The following HERC3 variants were observed in gnomAD, a reference collection of about 807,000 sequenced individuals.
HERC3 encodes the protein HECT and RLD domain containing E3 ubiquitin protein ligase 3, also known as probable E3 ubiquitin-protein ligase HERC3.
Under a neutral mutation model 129.9 loss-of-function variants are expected in HERC3, and 58 were observed. The observed-to-expected ratio is 0.45, with a 90% confidence interval of 0.36 to 0.56. The LOEUF (loss-of-function observed/expected upper bound fraction) is 0.56, where lower values mean the gene tolerates loss of function less well. HERC3 is among the 20% of genes least tolerant of loss of function. The pLI, the probability that HERC3 is intolerant of heterozygous loss-of-function variation, is 0.00. For synonymous variants in HERC3, 430 were observed against 451.0 expected (o/e 0.95, Z 0.59); for missense variants, 835 against 1,244.2 (o/e 0.67, Z 4.95).
chr4:88,656,005 G>A lies in HERC3; in HGVS notation c.1039G>A (p.Ala347Thr), dbSNP rs964217572. Residue 347 changes from alanine (A) to threonine (T), a missense_variant, in exon 9 of 26, where the codon GCC (alanine) becomes ACC (threonine). Coordinates refer to ENST00000402738, the MANE Select transcript of HERC3 (RefSeq NM_014606.3). Reference protein sequence around the residue: ...CPSPVKGYWAAHSGQLSARAD... With the variant: ...CPSPVKGYWATHSGQLSARAD... ...ATCTCCTGTCAAGGGTTACTGGGCT[G>A]CCCACAGTGGCCAGCTTTCAGCCCG... is the stretch of plus-strand genomic sequence containing the variant. 6.2e-7 allele frequency: 1 copy of A among 1,614,100 alleles called. No individual in the cohort carries two copies. Among genetic ancestry groups the A allele is most frequent in the South Asian group, 1.1e-5 (1 of 91,076 alleles).
intron 10 of HERC3, among the ~76,000 whole-genome samples, chr4:88,659,567 C>T (rs1016543779): frequency 6.6e-6 from 1 of 152,174 alleles, no homozygotes; most frequent in Non-Finnish European, 1.5e-5. Flanking sequence ...TGATTTGGAA[C>T]TGCTGCCCTA....
intron 3 of HERC3, among the ~76,000 whole-genome samples, chr4:88,606,922 A>G (rs938944297): frequency 2.0e-5 from 3 of 152,212 alleles, no homozygotes; most frequent in South Asian, 2.1e-4. Flanking sequence ...CACAATCACT[A>G]TCAGAAACTT....
chr4:88,609,019 T>G (rs1348805781), intron 3 of HERC3, among the ~76,000 whole-genome samples: 1 of 150,176 alleles, frequency 6.7e-6, no homozygotes, highest in Non-Finnish European at 1.5e-5. Context: ...CTAGGTGTGG[T>G]GGCACACACC....
chr4:88,636,837 C>T (rs768069325), intron 3 of HERC3, among the ~76,000 whole-genome samples: 1 of 152,212 alleles, frequency 6.6e-6, no homozygotes, highest in Non-Finnish European at 1.5e-5. Context: ...AAGAAACTCA[C>T]TCAAAACCAC....
At chr4:88,632,474 T>C (rs78639580) in intron 3 of HERC3, among the ~76,000 whole-genome samples, 4,974 of 152,312 alleles carry the variant, frequency 0.033, 124 homozygotes, top group Non-Finnish European at 0.049. Flanking sequence ...AATGTAGATG[T>C]TGGAATTATC....
At chr4:88,679,982 C>T in intron 19 of HERC3, 111 bp from the exon 20 acceptor site, 1 of 921,108 alleles carries the variant, frequency 1.1e-6, no homozygotes. Flanking sequence ...AGTGTGTATT[C>T]TTTGTTATGC....
intron 23 of HERC3, among the ~76,000 whole-genome samples, chr4:88,698,983 G>A (rs1359619375): frequency 3.5e-5 from 2 of 57,672 alleles, no homozygotes; most frequent in South Asian, 8.0e-4. Flanking sequence ...TCCCCCCACC[G>A]AACTTTTTCC....
chr4:88,677,900 C>A, intron 18 of HERC3, 64 bp from the exon 19 acceptor site: 1 of 1,488,860 alleles, frequency 6.7e-7, no homozygotes, highest in Non-Finnish European at 9.2e-7. Flanking sequence ...AGAAGCACAG[C>A]TGACTGCTCT....
At chr4:88,693,666 G>A (rs1227346527) in intron 23 of HERC3, 1 of 983,462 alleles carries the variant, frequency 1.0e-6, no homozygotes, top group African/African-American at 1.7e-5. Context: ...GTACATGTGT[G>A]TATATGTGTA....
At chr4:88,695,243 C>T (rs1311481836) in intron 23 of HERC3, among the ~76,000 whole-genome samples, 1 of 152,078 alleles carries the variant, frequency 6.6e-6, no homozygotes, top group Non-Finnish European at 1.5e-5. Context: ...GTTGTTTGTA[C>T]TCAACAATCT....
At chr4:88,648,125 T>A (rs1728896311) in intron 3 of HERC3, among the ~76,000 whole-genome samples, 1 of 152,228 alleles carries the variant, frequency 6.6e-6, no homozygotes, top group Admixed American at 6.5e-5. Context: ...TTACTGACTT[T>A]AATTTTTTTT....
At chr4:88,558,772 G>T in the HERC3 span, among the ~76,000 whole-genome samples, 2 of 151,676 alleles carry the variant, frequency 1.3e-5, no homozygotes, top group Non-Finnish European at 2.9e-5. Context: ...GACCATCCTG[G>T]CTAACATGGT....
At position 88,686,146 on chromosome 4, in the gene HERC3, T is replaced by TA. The variant is rs559429282; in HGVS notation, c.2508-578dup. On this transcript the variant is annotated intron_variant, in intron 21 of 25. Coordinates refer to ENST00000402738, the MANE Select transcript of HERC3 (RefSeq NM_014606.3). Reference sequence around the variant, plus strand: ...AACTTCTTTTCCTCTCTCCATCTCTTAAAAAAAAAAAATTAGTGTGAGTGT... The same window carrying TA: ...AACTTCTTTTCCTCTCTCCATCTCTTAAAAAAAAAAAAATTAGTGTGAGTGT... Among the ~76,000 whole-genome samples, 817 of 147,528 alleles carry TA rather than the reference T, an allele frequency of 5.5e-3. 11 individuals are homozygous for TA. The highest frequency in any genetic ancestry group is 0.018 in the African/African-American group (737 of 40,560).
the HERC3 span, among the ~76,000 whole-genome samples, chr4:88,558,296 T>C: frequency 9.9e-5 from 15 of 152,216 alleles, no homozygotes; most frequent in African/African-American, 3.4e-4. Context: ...GTGGTATATA[T>C]ACACCATGGA....
At chr4:88,643,926 A>G (rs1361813854) in intron 3 of HERC3, among the ~76,000 whole-genome samples, 1 of 152,228 alleles carries the variant, frequency 6.6e-6, no homozygotes, top group African/African-American at 2.4e-5. Flanking sequence ...GAGAATGAAA[A>G]AACAACTCAA....
chr4:88,659,763 T>C (rs913101838), intron 10 of HERC3, among the ~76,000 whole-genome samples: 8 of 152,254 alleles, frequency 5.3e-5, no homozygotes, highest in African/African-American at 1.9e-4. Context: ...GAAACTAGTA[T>C]TGAATAGTGT....
the HERC3 span, among the ~76,000 whole-genome samples, chr4:88,563,562 C>T: frequency 6.6e-6 from 1 of 152,178 alleles, no homozygotes; most frequent in East Asian, 1.9e-4. Context: ...TGAAAGTGGG[C>T]ATCCTTATCA....
chr4:88,687,111 G>T, intron 22 of HERC3, 106 bp from the exon 23 acceptor site: 1 of 792,342 alleles, frequency 1.3e-6, no homozygotes, highest in South Asian at 1.9e-5. Context: ...TTCTGTAATA[G>T]TCATGAAACT....
chr4:88,631,262 C>T (rs557947139), intron 3 of HERC3, among the ~76,000 whole-genome samples: 1 of 152,176 alleles, frequency 6.6e-6, no homozygotes, highest in East Asian at 1.9e-4. Flanking sequence ...CGAGACCAGC[C>T]TGGCCAACAT....
Sources: gnomAD v4.1 joint callset for allele counts (sites outside exome capture counted in the v4.1 genomes callset) on GRCh38, gnomAD v4.1.1 for gene constraint, MANE v1.5 for transcripts, NCBI Gene and HGNC (gene_info 2026-07-23, HGNC 2026-07-21) for gene names.